The following COL4A2 variants were observed in gnomAD, a reference collection of about 807,000 sequenced individuals.
COL4A2 encodes the protein collagen alpha-2(IV) chain.
In COL4A2, 99 loss-of-function variants were observed where a neutral mutation model predicts 200.2. The ratio of observed to expected loss-of-function variants is 0.49; its 90% CI spans 0.42 to 0.58. The LOEUF is 0.58. Ranked by LOEUF, COL4A2 falls within the 20% of genes least tolerant of loss-of-function variation. The pLI, the probability that COL4A2 is intolerant of heterozygous loss-of-function variation, is 0.00. For synonymous variants in COL4A2, 897 were observed against 900.6 expected (o/e 1.00, Z 0.07); for missense variants, 1,950 against 2,314.1 (o/e 0.84, Z 3.23).
At chr13:110,419,659 G>C (rs1880174355) in intron 4 of COL4A2, among the ~76,000 whole-genome samples, 2 of 152,220 alleles carry the variant, frequency 1.3e-5, no homozygotes, top group African/African-American at 2.4e-5. Flanking sequence ...GTGGGTTCAA[G>C]TCTGGATTTG....
intron 4 of COL4A2, among the ~76,000 whole-genome samples, chr13:110,417,100 C>A (rs1364303698): frequency 1.3e-5 from 2 of 152,058 alleles, no homozygotes; most frequent in Non-Finnish European, 2.9e-5. Flanking sequence ...TCTGCCTCAA[C>A]CTCCCGAGTA....
rs756393839 is a variant in COL4A2 at position 110,489,718 on chromosome 13, C to T, written c.3279C>T (p.Ile1093=). 1.3e-5 allele frequency: 21 copies of T among 1,614,042 alleles called. No homozygotes were observed. The highest frequency in any genetic ancestry group is 6.6e-5 in the South Asian group (6 of 91,068). Reference sequence around the variant, plus strand: ...CTTTTTTGCATGTAACAGGTGACATCGGGGACACTATAAATTTACCAGGAA... The same window carrying T: ...CTTTTTTGCATGTAACAGGTGACATTGGGGACACTATAAATTTACCAGGAA... The part of the protein sequence containing the change: ...EIGATGDFGD[I]GDTINLPGRP... Residue 1093 remains isoleucine (I), a synonymous_variant, in exon 36 of 48, where the codon ATC becomes ATT. Coordinates refer to ENST00000360467, the MANE Select transcript of COL4A2 (RefSeq NM_001846.4).
chr13:110,310,357 C>T (rs1394050129), intron 3 of COL4A2, among the ~76,000 whole-genome samples: 3 of 152,218 alleles, frequency 2.0e-5, no homozygotes, highest in African/African-American at 7.2e-5. Flanking sequence ...TCCGCCTCCC[C>T]ACATGATACC....
chr13:110,365,737 C>T (rs1288896164), intron 4 of COL4A2, among the ~76,000 whole-genome samples: 1 of 152,202 alleles, frequency 6.6e-6, no homozygotes, highest in Non-Finnish European at 1.5e-5. Context: ...TTCATTGACT[C>T]CTTCCTTCTC....
intron 3 of COL4A2, among the ~76,000 whole-genome samples, chr13:110,345,748 A>G (rs540469042): frequency 3.3e-5 from 5 of 152,170 alleles, no homozygotes; most frequent in African/African-American, 9.6e-5. Flanking sequence ...GGGGCAAGGG[A>G]AGGTGGTTTC....
At chr13:110,506,917 CCTT>C (rs1339089775) in intron 46 of COL4A2, among the ~76,000 whole-genome samples, 3 of 152,172 alleles carry the variant, frequency 2.0e-5, no homozygotes, top group Admixed American at 6.5e-5. Context: ...TACTTCACCT[CCTT>C]CTTGTTTTTG....
chr13:110,401,858 A>T (rs896480471), intron 4 of COL4A2, among the ~76,000 whole-genome samples: 2 of 152,324 alleles, frequency 1.3e-5, no homozygotes, highest in Non-Finnish European at 2.9e-5. Context: ...GGATTCATAG[A>T]TGGTGCCCTG....
chr13:110,453,394 G>A (rs767809093), intron 20 of COL4A2, among the ~76,000 whole-genome samples: 11 of 152,018 alleles, frequency 7.2e-5, no homozygotes, highest in African/African-American at 9.7e-5. Context: ...CCAGTTACTC[G>A]GGAGGCTGAG....
intron 4 of COL4A2, among the ~76,000 whole-genome samples, chr13:110,382,029 C>T (rs1032501548): frequency 4.6e-5 from 7 of 152,094 alleles, no homozygotes; most frequent in Non-Finnish European, 7.3e-5. Flanking sequence ...TTCACGGTTG[C>T]CATATATATA....
chr13:110,502,699 G>A (rs892682146), intron 41 of COL4A2: 4 of 162,214 alleles, frequency 2.5e-5, no homozygotes, highest in East Asian at 3.8e-4. Context: ...ATTCTGCTGA[G>A]TGAAAGAAGC....
At chr13:110,422,967 G>A (rs947596698) in intron 4 of COL4A2, among the ~76,000 whole-genome samples, 3 of 152,134 alleles carry the variant, frequency 2.0e-5, no homozygotes, top group Admixed American at 6.5e-5. Context: ...AGACAGACAC[G>A]TCTCAGCTGA....
Position 110,417,338 on chromosome 13 carries a change from G to A in COL4A2, c.181-7396G>A, listed in dbSNP as rs112338168. Among the ~76,000 whole-genome samples, 1,009 of 151,574 alleles carry A rather than the reference G, an allele frequency of 6.7e-3. 8 individuals carry two copies. Among genetic ancestry groups the A allele is most frequent in the East Asian group, 0.042 (215 of 5,138 alleles). On this transcript the variant is annotated intron_variant, in intron 4 of 47. Coordinates refer to ENST00000360467, the MANE Select transcript of COL4A2 (RefSeq NM_001846.4). ...AAGGTGTAGACTCTCCTTCCTTTTC[G>A]AACTGTTCTCTATCACATAAGCTCA...
At position 110,448,447 on chromosome 13, in the gene COL4A2, G is replaced by A. The variant is rs372798072; in HGVS notation, c.1079-1232G>A. ...GCCTTTTCTACCGGACAACATTCCCGAGTTATTGGTGAGCTGGAATGTGAC... is the reference window on the plus strand; with the variant it reads ...GCCTTTTCTACCGGACAACATTCCCAAGTTATTGGTGAGCTGGAATGTGAC... On this transcript the variant is annotated intron_variant, in intron 18 of 47. Coordinates refer to ENST00000360467, the MANE Select transcript of COL4A2 (RefSeq NM_001846.4). Among the ~76,000 whole-genome samples the A allele has an allele frequency of 7.9e-5, 12 of 152,248 alleles. No individual in the cohort carries two copies. The South Asian group carries it at 1.5e-3, about 18-fold the overall frequency.
At chr13:110,345,811 G>A (rs1005150310) in intron 3 of COL4A2, among the ~76,000 whole-genome samples, 2 of 152,190 alleles carry the variant, frequency 1.3e-5, no homozygotes, top group Admixed American at 6.5e-5. Flanking sequence ...CAGAAGTCAC[G>A]TGAGTCAGAT....
At position 110,492,112 on chromosome 13, in the gene COL4A2, T is replaced by C. The variant is rs1385295882; in HGVS notation, c.3497T>C (p.Leu1166Pro). The change falls in exon 38 of 48, where the codon CTG becomes CCG. Residue 1166 changes from leucine (L) to proline (P), a missense_variant. By Grantham distance (98) the Leu-to-Pro change is moderately conservative (BLOSUM62 -3). Transcript: ENST00000360467. Reference protein sequence around the residue: ...LTGPPGSQGELGRIGLPGGKG... With the variant: ...LTGPPGSQGEPGRIGLPGGKG... ...GGGCCTCCAGGGTCGCAGGGAGAGC[T>C]GGGGCGGATTGGACTGCCTGGTGGC... 1.9e-6 allele frequency: 3 copies of C among 1,553,126 alleles called. No individual in the cohort carries two copies. Among genetic ancestry groups the C allele is most frequent in the South Asian group, 1.2e-5 (1 of 84,132 alleles).
chr13:110,430,317 T>G, intron 8 of COL4A2, 84 bp from the exon 9 acceptor site: 1 of 1,565,472 alleles, frequency 6.4e-7, no homozygotes, highest in Non-Finnish European at 8.6e-7. Context: ...TTTGATATGC[T>G]TATTTCCAAC....
rs531949779 is a variant in COL4A2, at chr13:110,506,506, G to A, written c.4494G>A (p.Thr1498=). The change falls in exon 46 of 48, where the codon ACG becomes ACA. Residue 1498 remains threonine (T), a synonymous_variant. Coordinates refer to ENST00000360467, the MANE Select transcript of COL4A2 (RefSeq NM_001846.4). The part of the protein sequence containing the change: ...IGYLLVKHSQ[T]DQEPMCPVGM... ...ACCTCCTGGTGAAGCACAGCCAGAC[G>A]GACCAGGAGCCCATGTGCCCAGTGG... 2.5e-5 allele frequency: 40 copies of A among 1,612,994 alleles called. No homozygotes were observed. In the African/African-American group the frequency reaches 3.6e-4, roughly 15 times the overall value.
At chr13:110,341,127 C>G (rs928317454) in intron 3 of COL4A2, 2 of 152,354 alleles carry the variant, frequency 1.3e-5, no homozygotes, top group Admixed American at 6.5e-5. Flanking sequence ...CCGCCACTTC[C>G]GGTGTTCACT....
chr13:110,364,798 T>C (rs1877672665), intron 4 of COL4A2, among the ~76,000 whole-genome samples: 1 of 152,178 alleles, frequency 6.6e-6, no homozygotes, highest in Admixed American at 6.5e-5. Context: ...TACCCCTGGC[T>C]CCAAACTCAA....
Sources: gnomAD v4.1 joint callset for allele counts (sites outside exome capture counted in the v4.1 genomes callset) on GRCh38, gnomAD v4.1.1 for gene constraint, MANE v1.5 for transcripts, NCBI Gene and HGNC (gene_info 2026-07-23, HGNC 2026-07-21) for gene names.